The following KAZN variants were observed in gnomAD, a reference collection of about 807,000 sequenced individuals.
The protein encoded by KAZN is kazrin, periplakin interacting protein.
A neutral mutation model predicts 87.4 loss-of-function variants in KAZN; 40 were observed. That is an observed-to-expected ratio of 0.46 (90% confidence interval 0.36 to 0.60). The LOEUF (loss-of-function observed/expected upper bound fraction) is 0.60. KAZN is among the 20% of genes least tolerant of loss of function. The pLI is 0.00. For synonymous variants in KAZN, 466 were observed against 458.3 expected (o/e 1.02, Z -0.22); for missense variants, 898 against 1,073.9 (o/e 0.84, Z 2.29).
intron 1 of KAZN, among the ~76,000 whole-genome samples, chr1:14,123,161 T>C (rs1384313917): frequency 6.6e-6 from 1 of 152,222 alleles, no homozygotes; most frequent in Non-Finnish European, 1.5e-5. Context: ...AATTCCATGG[T>C]TGTGTTTCCA....
chr1:14,356,021 G>T (rs535210945), intron 2 of KAZN, among the ~76,000 whole-genome samples: 1 of 152,276 alleles, frequency 6.6e-6, no homozygotes, highest in African/African-American at 2.4e-5. Context: ...TTCCACAATG[G>T]TTGAACTAAT....
At position 15,112,587 on chromosome 1, in the gene KAZN, A is replaced by AAGGCCTTTTTTTTCTTCTCCCAGCGGC. The variant is rs1553192515; in HGVS notation, c.2163+49_2163+50insCCTTTTTTTTCTTCTCCCAGCGGCAGG. 140 of 1,293,902 alleles carry AAGGCCTTTTTTTTCTTCTCCCAGCGGC rather than the reference A, an allele frequency of 1.1e-4. 3 individuals are homozygous for AAGGCCTTTTTTTTCTTCTCCCAGCGGC. In the South Asian group the frequency reaches 1.7e-3, roughly 15 times the overall value. The allele number at this position is 1,293,902 out of a possible 1,614,324, so 80.2% of individuals were successfully genotyped here. On this transcript the variant is annotated intron_variant, in intron 14 of 14. Transcript: ENST00000376030. Reference sequence around the variant, plus strand: ...ACCTGTGAGTCCTGCAGACCCGGGAAAGGTCTTTTTTTCTCCTCCCGGGAG... The same window carrying AAGGCCTTTTTTTTCTTCTCCCAGCGGC: ...ACCTGTGAGTCCTGCAGACCCGGGAAAGGCCTTTTTTTTCTTCTCCCAGCGGCAGGTCTTTTTTTCTCCTCCCGGGAG...
At chr1:14,709,589 C>T (rs946436924) in intron 1 of KAZN, among the ~76,000 whole-genome samples, 12 of 152,174 alleles carry the variant, frequency 7.9e-5, no homozygotes, top group Non-Finnish European at 1.5e-4. Context: ...GAAAGCTTTT[C>T]GGTTGGCTCA....
Position 14,777,133 on chromosome 1 carries a change from G to A in KAZN, c.226+177910G>A, listed in dbSNP as rs890269198. Among the ~76,000 whole-genome samples, 69 of 148,602 alleles carry A rather than the reference G, an allele frequency of 4.6e-4. 1 individual carries two copies. The highest frequency in any genetic ancestry group is 1.3e-3 in the South Asian group (6 of 4,518). ...TTCCTGAGTAGCTGGGACTACAGGC[G>A]CCCGCCACCACACCCAGCTAATTTT... On this transcript the variant is annotated intron_variant, in intron 1 of 14. Transcript: ENST00000376030.
At chr1:14,133,987 C>T (rs976894293) in intron 1 of KAZN, among the ~76,000 whole-genome samples, 1 of 152,154 alleles carries the variant, frequency 6.6e-6, no homozygotes, top group Non-Finnish European at 1.5e-5. Flanking sequence ...CTGCTTCTGC[C>T]ACAAAATGAA....
At chr1:14,898,049 G>A (rs761100892) in intron 1 of KAZN, among the ~76,000 whole-genome samples, 1 of 152,216 alleles carries the variant, frequency 6.6e-6, no homozygotes, top group Non-Finnish European at 1.5e-5. Flanking sequence ...TGAAATGATG[G>A]ATATAAGCAC....
intron 1 of KAZN, among the ~76,000 whole-genome samples, chr1:14,088,686 C>G (rs750191501): frequency 6.6e-6 from 1 of 151,970 alleles, no homozygotes; most frequent in Non-Finnish European, 1.5e-5. Flanking sequence ...TATATCTTTA[C>G]TGATGTTATC....
At chr1:15,063,963 G>C (rs546437177) in intron 7 of KAZN, among the ~76,000 whole-genome samples, 1 of 152,200 alleles carries the variant, frequency 6.6e-6, no homozygotes, top group Non-Finnish European at 1.5e-5. Flanking sequence ...ACCTGGGCCC[G>C]CCTGGCCCTG....
At chr1:13,987,307 C>T (rs1639067008) in intron 1 of KAZN, among the ~76,000 whole-genome samples, 1 of 152,020 alleles carries the variant, frequency 6.6e-6, no homozygotes, top group African/African-American at 2.4e-5. Context: ...TGTCCTAATG[C>T]TCTCCCTCCT....
At chr1:14,624,364 G>A (rs1021712613) in intron 1 of KAZN, among the ~76,000 whole-genome samples, 4 of 152,034 alleles carry the variant, frequency 2.6e-5, no homozygotes, top group African/African-American at 4.8e-5. Context: ...GGAGGTTGCA[G>A]TGAGCCAAGA....
chr1:14,072,040 T>G (rs147623125), intron 1 of KAZN, among the ~76,000 whole-genome samples: 2 of 152,314 alleles, frequency 1.3e-5, no homozygotes, highest in African/African-American at 4.8e-5. Flanking sequence ...ACTGAAATAC[T>G]ATCCCAGCAA....
chr1:14,350,889 T>TGGAA (rs1658494922), intron 2 of KAZN: 2 of 152,258 alleles, frequency 1.3e-5, no homozygotes, highest in Admixed American at 1.3e-4. Context: ...GTTAGCGAGT[T>TGGAA]CTCATGAACA....
chr1:14,053,609 C>A (rs1642429131), intron 1 of KAZN, among the ~76,000 whole-genome samples: 1 of 152,194 alleles, frequency 6.6e-6, no homozygotes, highest in Non-Finnish European at 1.5e-5. Context: ...CAACCCAGAA[C>A]TACGTTACAA....
intron 1 of KAZN, among the ~76,000 whole-genome samples, chr1:14,864,964 A>G (rs959731522): frequency 6.6e-6 from 1 of 152,190 alleles, no homozygotes; most frequent in Non-Finnish European, 1.5e-5. Flanking sequence ...AACTGCCATT[A>G]GTGTTACCCA....
At chr1:14,340,966 C>A (rs1240277299) in intron 2 of KAZN, among the ~76,000 whole-genome samples, 1 of 143,898 alleles carries the variant, frequency 6.9e-6, no homozygotes, top group Non-Finnish European at 1.5e-5. Context: ...CGACTCACTG[C>A]AACCTCTGCC....
At chr1:14,019,800 C>T (rs1368456184) in intron 1 of KAZN, among the ~76,000 whole-genome samples, 1 of 152,150 alleles carries the variant, frequency 6.6e-6, no homozygotes, top group Non-Finnish European at 1.5e-5. Context: ...CCTTACTCTA[C>T]AGCAGTGGTC....
At chr1:14,432,116 T>C (rs1666106132) in intron 2 of KAZN, among the ~76,000 whole-genome samples, 1 of 152,206 alleles carries the variant, frequency 6.6e-6, no homozygotes, top group Admixed American at 6.5e-5. Context: ...CTCTGATCTT[T>C]TCCCCGCAAG....
At chr1:13,989,100 G>A (rs1459324583) in intron 1 of KAZN, among the ~76,000 whole-genome samples, 1 of 152,092 alleles carries the variant, frequency 6.6e-6, no homozygotes, top group East Asian at 1.9e-4. Context: ...GAGAAAAGGG[G>A]ACTGAACTCA....
chr1:15,004,799 A>T (rs544832804), intron 2 of KAZN, among the ~76,000 whole-genome samples: 258 of 150,638 alleles, frequency 1.7e-3, no homozygotes, highest in Non-Finnish European at 2.9e-3. Flanking sequence ...CAAGTCACTT[A>T]TTAATAGATA....
Sources: gnomAD v4.1 joint callset for allele counts (sites outside exome capture counted in the v4.1 genomes callset) on GRCh38, gnomAD v4.1.1 for gene constraint, MANE v1.5 for transcripts, NCBI Gene and HGNC (gene_info 2026-07-23, HGNC 2026-07-21) for gene names.